KCNMB2: variants seen among roughly 807,000 people sequenced by gnomAD.
KCNMB2 encodes the protein potassium calcium-activated channel subfamily M regulatory beta subunit 2, also known as calcium-activated potassium channel subunit beta-2.
In KCNMB2, 9 loss-of-function variants were observed where a neutral mutation model predicts 24.5. The observed-to-expected ratio is 0.37, with a 90% CI of 0.22 to 0.64. The LOEUF is 0.64. Among genes scored for constraint, KCNMB2 ranks in the 30% least tolerant of loss-of-function variants. The probability of loss-of-function intolerance (pLI) is 0.63; values close to 1 mark genes in which losing one functional copy is unlikely to be tolerated. For synonymous variants in KCNMB2, 109 were observed against 104.4 expected, an observed-to-expected ratio of 1.04 and a Z score of -0.27; for missense variants, 226 against 284.3, an observed-to-expected ratio of 0.79 and a Z score of 1.47.
intron 1 of KCNMB2, among the ~76,000 whole-genome samples, chr3:178,772,087 T>A (rs940209736): frequency 5.9e-5 from 9 of 152,138 alleles, no homozygotes; most frequent in African/African-American, 1.9e-4. Context: ...ACTAATAGAT[T>A]AACTAACGAT....
intron 1 of KCNMB2, among the ~76,000 whole-genome samples, chr3:178,553,979 TAACAAA>T (rs1716042541): frequency 6.6e-6 from 1 of 152,220 alleles, no homozygotes; most frequent in Admixed American, 6.5e-5. Context: ...CAGATTGTTT[TAACAAA>T]AACTATTAAA....
Position 178,825,752 on chromosome 3 carries a change from T to C in KCNMB2, c.221T>C (p.Met74Thr), listed in dbSNP as rs764537502. 2 of 1,610,452 alleles carry C rather than the reference T, an allele frequency of 1.2e-6. No individual in the cohort carries two copies. Among genetic ancestry groups the C allele is most frequent in the Non-Finnish European group, 1.7e-6 (2 of 1,177,076 alleles). The change falls in exon 3 of 5, where the codon ATG becomes ACG. Residue 74 changes from methionine (M) to threonine (T), a missense_variant. Transcript: ENST00000452583. Reference sequence around the variant, plus strand: ...GGAATCACACTCCTGCGCTCATACATGCAGAGGTAATACCACTGGGTGGGT... The same window carrying C: ...GGAATCACACTCCTGCGCTCATACACGCAGAGGTAATACCACTGGGTGGGT... ...LLGITLLRSY[M>T]QSVWTEESQC...
intron 1 of KCNMB2, among the ~76,000 whole-genome samples, chr3:178,791,918 G>A (rs920766847): frequency 5.3e-5 from 8 of 151,332 alleles, no homozygotes; most frequent in South Asian, 2.1e-4. Flanking sequence ...AAACATGAAG[G>A]AGAAAATGTT....
intron 1 of KCNMB2, among the ~76,000 whole-genome samples, chr3:178,576,858 T>A (rs1717013071): frequency 1.3e-5 from 2 of 152,192 alleles, no homozygotes. Flanking sequence ...GGCTTATACC[T>A]AAAACTCCCG....
intron 1 of KCNMB2, among the ~76,000 whole-genome samples, chr3:178,566,461 C>G: frequency 6.6e-6 from 1 of 152,096 alleles, no homozygotes; most frequent in Admixed American, 6.6e-5. Flanking sequence ...CACACTCCTA[C>G]TTGGCAATGT....
intron 1 of KCNMB2, among the ~76,000 whole-genome samples, chr3:178,540,727 C>A (rs1473380640): frequency 6.6e-6 from 1 of 152,136 alleles, no homozygotes; most frequent in Admixed American, 6.6e-5. Flanking sequence ...TGTCAGAAAA[C>A]TTCCCTGAAA....
intron 1 of KCNMB2, among the ~76,000 whole-genome samples, chr3:178,633,632 C>T (rs1010193042): frequency 1.3e-5 from 2 of 152,184 alleles, no homozygotes; most frequent in African/African-American, 4.8e-5. Context: ...ACCATTTTTC[C>T]CTCCTAGGCC....
chr3:178,553,803 G>T (rs1716037010), intron 1 of KCNMB2, among the ~76,000 whole-genome samples: 1 of 152,102 alleles, frequency 6.6e-6, no homozygotes, highest in Non-Finnish European at 1.5e-5. Context: ...GTCTCCCAAA[G>T]TGCTGGGATT....
Position 178,734,287 on chromosome 3 carries a change from G to A in KCNMB2, c.-67-73056G>A, listed in dbSNP as rs79367066. Among the ~76,000 whole-genome samples the A allele has an allele frequency of 6.6e-3, 1,002 of 152,312 alleles. 10 individuals are homozygous for A. Among genetic ancestry groups the A allele is most frequent in the African/African-American group, 0.023 (963 of 41,562 alleles). On this transcript the variant is annotated intron_variant, in intron 1 of 4. Coordinates refer to ENST00000452583, the MANE Select transcript of KCNMB2 (RefSeq NM_181361.3). ...TACCTATGTGTGAAGTTTTCCACTT[G>A]TGGCATCATGCCTTCACTCAAAAAC...
At chr3:178,573,927 G>A (rs960943894) in intron 1 of KCNMB2, among the ~76,000 whole-genome samples, 1 of 152,064 alleles carries the variant, frequency 6.6e-6, no homozygotes, top group African/African-American at 2.4e-5. Context: ...TGATCAAGAA[G>A]TGTGTAAGAG....
chr3:178,801,601 A>C (rs1231538603), intron 1 of KCNMB2, among the ~76,000 whole-genome samples: 1 of 152,208 alleles, frequency 6.6e-6, no homozygotes, highest in African/African-American at 2.4e-5. Flanking sequence ...AGTTAGAGAA[A>C]TAAGAATCCA....
intron 1 of KCNMB2, chr3:178,729,431 T>A (rs748882446): frequency 3.3e-5 from 5 of 152,186 alleles, no homozygotes; most frequent in South Asian, 2.1e-4. Context: ...ATGTCATTCA[T>A]CCCTGTCTTC....
At chr3:178,705,860 G>A (rs1396896363) in intron 1 of KCNMB2, among the ~76,000 whole-genome samples, 1 of 152,116 alleles carries the variant, frequency 6.6e-6, no homozygotes, top group Non-Finnish European at 1.5e-5. Context: ...GGAGTCAGTG[G>A]TAGGAGAAAT....
intron 1 of KCNMB2, among the ~76,000 whole-genome samples, chr3:178,688,453 A>C (rs1313407955): frequency 6.6e-6 from 1 of 152,168 alleles, no homozygotes; most frequent in African/African-American, 2.4e-5. Flanking sequence ...ATAATGATGA[A>C]TTTATAATGG....
chr3:178,568,854 T>TAGATGATAGATA (rs1553813618), intron 1 of KCNMB2, among the ~76,000 whole-genome samples: 8 of 80,680 alleles, frequency 9.9e-5, no homozygotes, highest in African/African-American at 1.8e-4. Flanking sequence ...GATAGATAGA[T>TAGATGATAGATA]GATAGATAGA....
chr3:178,793,749 C>CAGCT (rs1713422318), intron 1 of KCNMB2, among the ~76,000 whole-genome samples: 3 of 152,112 alleles, frequency 2.0e-5, no homozygotes, highest in African/African-American at 7.2e-5. Flanking sequence ...GGATCCAAGC[C>CAGCT]AGCTACCTCA....
chr3:178,729,892 A>G (rs144291669), intron 1 of KCNMB2, among the ~76,000 whole-genome samples: 2 of 152,340 alleles, frequency 1.3e-5, no homozygotes, highest in East Asian at 3.9e-4. Flanking sequence ...GATTAAAACA[A>G]CAGAAGTTTA....
In KCNMB2 at chr3:178,828,315, C is replaced by G; in HGVS notation, c.365C>G (p.Ser122Cys). ...CTCCAGGTGTACGTTAACCTGACTT[C>G]TTCCGGGGAAAAGCTCCTCCTCTAC... ...PCLQVYVNLT[S>C]SGEKLLLYHT... The change falls in exon 4 of 5, where the codon TCT becomes TGT. Residue 122 changes from serine (S) to cysteine (C), a missense_variant. Ser to Cys is a moderately radical substitution (Grantham distance 112). Transcript: ENST00000452583. The G allele has an allele frequency of 3.1e-6, 5 of 1,614,072 alleles. No homozygotes were observed. The highest frequency in any genetic ancestry group is 4.2e-6 in the Non-Finnish European group (5 of 1,179,934).
At chr3:178,795,073 T>TA (rs1421745998) in intron 1 of KCNMB2, 2 of 152,184 alleles carry the variant, frequency 1.3e-5, no homozygotes, top group African/African-American at 2.4e-5. Flanking sequence ...TATTTGATGT[T>TA]AAAAAAATCC....
Sources: allele counts gnomAD v4.1 joint callset (sites outside exome capture counted in the v4.1 genomes callset), GRCh38; gene constraint gnomAD v4.1.1; transcripts MANE v1.5; gene names NCBI Gene and HGNC (gene_info 2026-07-23, HGNC 2026-07-21).